Variants in EDDM3A observed in about 807,000 individuals in gnomAD.
EDDM3A encodes epididymal secretory protein E3-alpha.
For missense variants in EDDM3A, 199 were observed against 177.4 expected, an observed-to-expected ratio of 1.12 and a Z score of -0.69; for synonymous variants, 75 against 60.4, an observed-to-expected ratio of 1.24 and a Z score of -1.12.
At chr14:20,747,208 A>G (rs762294649) in intron 1 of EDDM3A, among the ~76,000 whole-genome samples, 1 of 149,030 alleles carries the variant, frequency 6.7e-6, no homozygotes, top group Non-Finnish European at 1.5e-5. Flanking sequence ...GGTTCAAGCG[A>G]TTCTCCTGCC....
upstream of EDDM3A, among the ~76,000 whole-genome samples, chr14:20,740,904 G>A (rs1406221053): frequency 6.9e-6 from 1 of 145,502 alleles, no homozygotes; most frequent in Non-Finnish European, 1.5e-5. Context: ...GCTCCAGCAG[G>A]ACGATTTTCC....
In EDDM3A at chr14:20,747,788, T is replaced by C. The variant is rs750419362; in HGVS notation, c.208T>C (p.Tyr70His). 1.2e-6 allele frequency: 2 copies of C among 1,614,208 alleles called. No homozygotes were observed. The highest frequency in any genetic ancestry group is 1.7e-6 in the Non-Finnish European group (2 of 1,180,034). The change falls in exon 2 of 2, where the codon TAT becomes CAT. Residue 70 changes from tyrosine (Y) to histidine (H), a missense_variant. Physicochemically the swap from Tyr to His is moderately conservative, Grantham distance 83. Transcript: ENST00000326842. ...LKGKSFHMFI[Y>H]SLWFKIQRAC... is the part of the protein sequence containing the mutation. ...AGGCAAGAGCTTTCATATGTTCATCTATAGCTTATGGTTCAAAATTCAGCG... is the reference window on the plus strand; with the variant it reads ...AGGCAAGAGCTTTCATATGTTCATCCATAGCTTATGGTTCAAAATTCAGCG...
At chr14:20,747,440 G>T (rs1186887242) in intron 1 of EDDM3A, 115 bp from the exon 2 acceptor site, 2 of 634,122 alleles carry the variant, frequency 3.2e-6, no homozygotes, top group African/African-American at 3.7e-5. Context: ...TTCTAATATG[G>T]AACCAAATAG....
the EDDM3A span, among the ~76,000 whole-genome samples, chr14:20,740,146 C>A: frequency 1.4e-4 from 21 of 152,346 alleles, no homozygotes; most frequent in South Asian, 4.4e-3. Context: ...TTGACTTTTC[C>A]TCCCATCTCC....
chr14:20,741,993 G>T (rs767501365), upstream of EDDM3A, among the ~76,000 whole-genome samples: 21 of 152,196 alleles, frequency 1.4e-4, no homozygotes, highest in Non-Finnish European at 2.4e-4. Context: ...CTTGCCTAAA[G>T]CGTCACTTCT....
intron 1 of EDDM3A, among the ~76,000 whole-genome samples, chr14:20,746,552 T>C (rs1303649409): frequency 1.3e-5 from 2 of 152,200 alleles, no homozygotes; most frequent in Non-Finnish European, 2.9e-5. Flanking sequence ...TGGTGCCTGA[T>C]TGATTACAGC....
chr14:20,739,817 C>G, the EDDM3A span, among the ~76,000 whole-genome samples: 2 of 152,182 alleles, frequency 1.3e-5, no homozygotes, highest in African/African-American at 4.8e-5. Flanking sequence ...CCTGCAGCTG[C>G]TAACTAACCA....
upstream of EDDM3A, among the ~76,000 whole-genome samples, chr14:20,742,942 C>T (rs770259313): frequency 6.6e-6 from 1 of 152,112 alleles, no homozygotes; most frequent in Admixed American, 6.6e-5. Context: ...CCTGTGTTGC[C>T]CAGGCTGGTC....
the EDDM3A span, among the ~76,000 whole-genome samples, chr14:20,737,297 A>G: frequency 2.0e-5 from 3 of 151,896 alleles, no homozygotes; most frequent in Admixed American, 2.0e-4. Context: ...CTCAAGTGAT[A>G]GTGATCTGCC....
chr14:20,747,997 G>A lies in EDDM3A; in HGVS notation c.417G>A (p.Leu139=), dbSNP rs1877660155. ...VDGYVDNIED[L]RIIEPISN ...GATATGTTGATAACATAGAAGACCT[G>A]AGGATTATAGAACCTATCAGCAACT... Residue 139 remains leucine, a synonymous_variant, in exon 2 of 2, where the codon CTG becomes CTA. Coordinates refer to ENST00000326842, the MANE Select transcript of EDDM3A (RefSeq NM_006683.5). 5 of 1,609,154 alleles carry A rather than the reference G, an allele frequency of 3.1e-6. No homozygotes were observed. The highest frequency in any genetic ancestry group is 1.1e-5 in the South Asian group (1 of 90,240).
chr14:20,748,101 C>T lies in EDDM3A; in HGVS notation c.*77C>T. ...TGGTGGGCCCTGCCTCCATCAATAG[C>T]CCCTGCCACTCCCCGCTTACATTTA... On this transcript the variant is annotated 3_prime_UTR_variant, in exon 2 of 2. Transcript: ENST00000326842. 9.7e-7 allele frequency: 1 copy of T among 1,026,734 alleles called. No individual in the cohort carries two copies. The highest frequency in any genetic ancestry group is 1.4e-6 in the Non-Finnish European group (1 of 702,172). The allele number at this position is 1,026,734 out of a possible 1,614,324, so 63.6% of individuals were successfully genotyped here. A position where few individuals can be genotyped will look rare whatever the true frequency, so the allele number is the denominator to read the frequency against.
upstream of EDDM3A, among the ~76,000 whole-genome samples, chr14:20,743,939 G>GATT (rs1877509839): frequency 9.7e-6 from 1 of 103,202 alleles, no homozygotes; most frequent in African/African-American, 4.2e-5. Flanking sequence ...TGGAGTCCAT[G>GATT]ATTTTTTTTC....
At chr14:20,738,212 G>A in the EDDM3A span, among the ~76,000 whole-genome samples, 2 of 152,114 alleles carry the variant, frequency 1.3e-5, no homozygotes, top group Non-Finnish European at 2.9e-5. Flanking sequence ...GGTGGCTCAC[G>A]CCTGTAATCC....
In EDDM3A at chr14:20,748,063, A is replaced by G; in HGVS notation, c.*39A>G. Reference sequence around the variant, plus strand: ...ATCCTCAGATATTGGTAGAGTATTCAGTGCTTCCAAAGTGGTGGGCCCTGC... The same window carrying G: ...ATCCTCAGATATTGGTAGAGTATTCGGTGCTTCCAAAGTGGTGGGCCCTGC... On this transcript the variant is annotated 3_prime_UTR_variant, in exon 2 of 2. Transcript: ENST00000326842. 1.3e-6 allele frequency: 2 copies of G among 1,505,730 alleles called. No individual in the cohort carries two copies. The highest frequency in any genetic ancestry group is 1.8e-6 in the Non-Finnish European group (2 of 1,117,060). The allele number at this position is 1,505,730 out of a possible 1,614,324, so 93.3% of individuals were successfully genotyped here. A position where few individuals can be genotyped will look rare whatever the true frequency, so the allele number is the denominator to read the frequency against.
chr14:20,748,274 G>T lies in EDDM3A; in HGVS notation c.*250G>T. On this transcript the variant is annotated 3_prime_UTR_variant, in exon 2 of 2. Transcript: ENST00000326842. ...TTTTTTCCAAGATTCAGCTCATATG[G>T]CATCTGTCCTCGACTAACCTAAGAC... 1 of 412,804 alleles carries T rather than the reference G, an allele frequency of 2.4e-6. No individual in the cohort carries two copies. Among genetic ancestry groups the T allele is most frequent in the Non-Finnish European group, 4.5e-6 (1 of 222,908 alleles). The allele number at this position is 412,804 out of a possible 1,614,324, so 25.6% of individuals were successfully genotyped here. A position where few individuals can be genotyped will look rare whatever the true frequency, so the allele number is the denominator to read the frequency against.
Position 20,746,666 on chromosome 14 carries a change from G to C in EDDM3A, c.-27+674G>C, listed in dbSNP as rs8181943. On this transcript the variant is annotated intron_variant, in intron 1 of 1. Transcript: ENST00000326842. ...AATTAGGGAAATGGCCTCTGAGAAGGGATGCCGATAGTTAATAATGATCAC... is the reference window on the plus strand; with the variant it reads ...AATTAGGGAAATGGCCTCTGAGAAGCGATGCCGATAGTTAATAATGATCAC... Among the ~76,000 whole-genome samples, 29 of 152,284 alleles carry C rather than the reference G, an allele frequency of 1.9e-4. No homozygotes were observed. In the East Asian group the frequency reaches 5.0e-3, roughly 26 times the overall value.
At chr14:20,742,411 T>A (rs1877461574), upstream of EDDM3A, among the ~76,000 whole-genome samples, 1 of 152,242 alleles carries the variant, frequency 6.6e-6, no homozygotes, top group African/African-American at 2.4e-5. Flanking sequence ...AGAAATCTTA[T>A]CTGGACTTCT....
rs774794105 is a variant in EDDM3A at position 20,747,744 on chromosome 14, G to A, written c.164G>A (p.Arg55Lys). 1 of 1,614,150 alleles carries A rather than the reference G, an allele frequency of 6.2e-7. No individual in the cohort carries two copies. The highest frequency in any genetic ancestry group is 8.5e-7 in the Non-Finnish European group (1 of 1,180,026). Residue 55 changes from arginine (R) to lysine (K), a missense_variant, in exon 2 of 2, where the codon AGA becomes AAA. By Grantham distance (26) the Arg-to-Lys change is conservative. Coordinates refer to ENST00000326842, the MANE Select transcript of EDDM3A (RefSeq NM_006683.5). ...FKEYKCDVLM[R>K]EKEALKGKSF... ...GAGTACAAATGTGATGTCCTCATGAGAGAAAAAGAGGCTCTGAAAGGCAAG... is the reference window on the plus strand; with the variant it reads ...GAGTACAAATGTGATGTCCTCATGAAAGAAAAAGAGGCTCTGAAAGGCAAG...
At chr14:20,737,214 C>G in the EDDM3A span, among the ~76,000 whole-genome samples, 61,231 of 151,522 alleles carry the variant, frequency 0.4, 12,614 homozygotes, top group Middle Eastern at 0.58. Flanking sequence ...ACACCACGTC[C>G]CACTAATTTT....
Sources: gnomAD v4.1 joint callset for allele counts (sites outside exome capture counted in the v4.1 genomes callset) on GRCh38, gnomAD v4.1.1 for gene constraint, MANE v1.5 for transcripts, NCBI Gene and HGNC (gene_info 2026-07-23, HGNC 2026-07-21) for gene names.